Variants in DRC8 observed in about 807,000 individuals in gnomAD.
DRC8 encodes the protein dynein regulatory complex protein 8.
the DRC8 span, among the ~76,000 whole-genome samples, chr1:245,082,612 A>T: frequency 1.3e-5 from 2 of 152,344 alleles, no homozygotes; most frequent in Non-Finnish European, 2.9e-5. Context: ...GGGCTGAGGT[A>T]TTTTCAACTT....
At chr1:245,066,075 A>T in the DRC8 span, among the ~76,000 whole-genome samples, 50,125 of 151,750 alleles carry the variant, frequency 0.33, 8,734 homozygotes, top group Middle Eastern at 0.41. Flanking sequence ...TCAGTTTTCT[A>T]GATCTACTAG....
At chr1:244,999,566 G>GAGATATAA in the DRC8 span, among the ~76,000 whole-genome samples, 2 of 152,210 alleles carry the variant, frequency 1.3e-5, no homozygotes, top group African/African-American at 4.8e-5. Flanking sequence ...CTGAATACAG[G>GAGATATAA]AGATATAAAG....
chr1:245,113,293 C>T, the DRC8 span, among the ~76,000 whole-genome samples: 121 of 152,234 alleles, frequency 7.9e-4, 1 homozygote, highest in Middle Eastern at 0.01. Context: ...CATAAAGATC[C>T]TGAGAAAAGC....
the DRC8 span, among the ~76,000 whole-genome samples, chr1:244,984,300 C>T: frequency 6.6e-6 from 1 of 152,084 alleles, no homozygotes; most frequent in South Asian, 2.1e-4. Flanking sequence ...CCATTCAGAG[C>T]TTATGATCAG....
chr1:245,124,503 A>T, the DRC8 span: 1 of 152,194 alleles, frequency 6.6e-6, no homozygotes, highest in Non-Finnish European at 1.5e-5. Flanking sequence ...TATAGTTGTA[A>T]GTAAGCATCA....
At chr1:245,065,753 G>T in the DRC8 span, among the ~76,000 whole-genome samples, 13 of 151,786 alleles carry the variant, frequency 8.6e-5, no homozygotes, top group Non-Finnish European at 1.8e-4. Flanking sequence ...ACCCGCATCG[G>T]AGTGTTGGGG....
At chr1:244,970,633 G>GCC in the DRC8 span, 6 of 434,948 alleles carry the variant, frequency 1.4e-5, no homozygotes, top group South Asian at 1.6e-4. Flanking sequence ...CGCCCGGCCC[G>GCC]CCGCTCCGCC....
the DRC8 span, chr1:245,083,639 A>C: frequency 6.2e-7 from 1 of 1,610,078 alleles, no homozygotes; most frequent in Non-Finnish European, 8.5e-7. Flanking sequence ...ATTCAGCTAA[A>C]CGTGGGTTTC....
the DRC8 span, among the ~76,000 whole-genome samples, chr1:244,990,084 C>G: frequency 3.9e-5 from 6 of 152,252 alleles, no homozygotes; most frequent in African/African-American, 1.4e-4. Context: ...TCGGGATGAC[C>G]CGGGATCTCC....
chr1:244,996,533 T>C, the DRC8 span, among the ~76,000 whole-genome samples: 1 of 152,126 alleles, frequency 6.6e-6, no homozygotes, highest in Non-Finnish European at 1.5e-5. Flanking sequence ...TGGGCACGAG[T>C]GCCTACATGT....
chr1:245,036,132 C>T, the DRC8 span, among the ~76,000 whole-genome samples: 1 of 152,090 alleles, frequency 6.6e-6, no homozygotes, highest in Non-Finnish European at 1.5e-5. Context: ...ATTTGCAAAT[C>T]ATATATCTGA....
the DRC8 span, among the ~76,000 whole-genome samples, chr1:245,061,582 A>C: frequency 6.6e-6 from 1 of 152,186 alleles, no homozygotes; most frequent in Non-Finnish European, 1.5e-5. Context: ...AACTTTTCCA[A>C]ATAAATGGGT....
At chr1:245,061,751 A>G in the DRC8 span, among the ~76,000 whole-genome samples, 2 of 152,226 alleles carry the variant, frequency 1.3e-5, no homozygotes, top group African/African-American at 4.8e-5. Context: ...CATATTGCTA[A>G]ATGTTCTATA....
At chr1:245,016,096 C>A in the DRC8 span, among the ~76,000 whole-genome samples, 1 of 151,416 alleles carries the variant, frequency 6.6e-6, no homozygotes, top group East Asian at 2.0e-4. Flanking sequence ...ATTCTCCTGC[C>A]TCAGCCTCCC....
the DRC8 span, chr1:245,087,717 G>T: frequency 9.9e-7 from 1 of 1,007,180 alleles, no homozygotes; most frequent in Non-Finnish European, 1.2e-6. Context: ...TCTTAAGAGG[G>T]GGCAGAACGA....
the DRC8 span, among the ~76,000 whole-genome samples, chr1:245,101,218 G>T: frequency 1.4e-4 from 21 of 152,182 alleles, no homozygotes; most frequent in African/African-American, 5.1e-4. Context: ...CTTTTAATGT[G>T]TAGTTTTTAC....
chr1:245,044,927 T>TAAATA, the DRC8 span, among the ~76,000 whole-genome samples: 1 of 151,658 alleles, frequency 6.6e-6, no homozygotes, highest in Non-Finnish European at 1.5e-5. Flanking sequence ...AATAGTTTTT[T>TAAATA]GAAAAGATAA....
chr1:245,049,598 A>G, the DRC8 span, among the ~76,000 whole-genome samples: 1 of 152,202 alleles, frequency 6.6e-6, no homozygotes, highest in Non-Finnish European at 1.5e-5. This position sits in a 1 kb window ranked among gnomAD's most constrained non-coding sequence, Gnocchi z 4.5. Flanking sequence ...AAAAACTGTA[A>G]TAAGAAAAAA....
the DRC8 span, among the ~76,000 whole-genome samples, chr1:245,014,677 G>A: frequency 3.9e-5 from 6 of 152,038 alleles, no homozygotes; most frequent in East Asian, 1.9e-4. Flanking sequence ...GGTGGGGTGT[G>A]GGGGGAGAAG....
Sources: gnomAD v4.1 joint callset for allele counts (sites outside exome capture counted in the v4.1 genomes callset) on GRCh38, gnomAD v4.1.1 for gene constraint, Gnocchi (gnomAD v3.1) non-coding constraint, MANE v1.5 for transcripts, NCBI Gene and HGNC (gene_info 2026-07-23, HGNC 2026-07-21) for gene names.